NDUFS4: variants seen among roughly 807,000 people sequenced by gnomAD.
The protein encoded by NDUFS4 is NADH dehydrogenase [ubiquinone] iron-sulfur protein 4, mitochondrial.
Under a neutral mutation model 24.3 loss-of-function variants are expected in NDUFS4, and 28 were observed. The ratio of observed to expected loss-of-function variants is 1.15; its 90% CI spans 0.85 to 1.58. NDUFS4 has a LOEUF of 1.58. Ranked by LOEUF, NDUFS4 falls within the 40% of genes most tolerant of loss-of-function variation. The pLI is 0.00. For synonymous variants in NDUFS4, 93 were observed against 69.7 expected, an observed-to-expected ratio of 1.34 and a Z score of -1.67; for missense variants, 223 against 207.9, an observed-to-expected ratio of 1.07 and a Z score of -0.45.
In NDUFS4 at chr5:53,593,862, C is replaced by T. The variant is rs568608737; in HGVS notation, c.99-9590C>T. On this transcript the variant is annotated intron_variant, in intron 1 of 4. Coordinates refer to ENST00000296684, the MANE Select transcript of NDUFS4 (RefSeq NM_002495.4). ...AAGTAATTGGAGATTTTCTAGTTTT[C>T]TGTTACTGATTTCTAGTTTAATTCC... Among the ~76,000 whole-genome samples, 29 of 152,074 alleles carry T rather than the reference C, an allele frequency of 1.9e-4. No individual in the cohort carries two copies. In the South Asian group the frequency reaches 6.0e-3, roughly 32 times the overall value.
chr5:53,615,075 A>G (rs746352603), intron 2 of NDUFS4, among the ~76,000 whole-genome samples: 1 of 151,914 alleles, frequency 6.6e-6, no homozygotes, highest in African/African-American at 2.4e-5. Context: ...GGGTATGCAG[A>G]TAGATCCCTG....
intron 3 of NDUFS4, among the ~76,000 whole-genome samples, chr5:53,657,955 C>G (rs796630572): frequency 1.3e-5 from 2 of 150,752 alleles, no homozygotes; most frequent in South Asian, 4.2e-4. Context: ...ATAAAAGTGA[C>G]ATTTCTTGAA....
chr5:53,584,758 A>G (rs1749686933), intron 1 of NDUFS4, among the ~76,000 whole-genome samples: 1 of 140,994 alleles, frequency 7.1e-6, no homozygotes, highest in East Asian at 2.0e-4. Flanking sequence ...CAGCATAACT[A>G]AAAATGTTTT....
intron 2 of NDUFS4, among the ~76,000 whole-genome samples, chr5:53,640,968 C>G (rs902078185): frequency 2.0e-5 from 3 of 152,066 alleles, no homozygotes; most frequent in African/African-American, 7.2e-5. Context: ...ACAAACTTCC[C>G]TGAGAGCTGG....
intron 2 of NDUFS4, among the ~76,000 whole-genome samples, chr5:53,644,543 A>T (rs1373089348): frequency 6.6e-6 from 1 of 152,134 alleles, no homozygotes; most frequent in Non-Finnish European, 1.5e-5. Flanking sequence ...TAAGCTCTTA[A>T]ATAGAGAATA....
intron 2 of NDUFS4, among the ~76,000 whole-genome samples, chr5:53,644,005 T>C (rs1489221497): frequency 1.3e-5 from 2 of 152,196 alleles, no homozygotes; most frequent in Non-Finnish European, 2.9e-5. Flanking sequence ...CAACATTGTG[T>C]AGACACTTTT....
At chr5:53,642,228 T>G (rs1751727303) in intron 2 of NDUFS4, among the ~76,000 whole-genome samples, 1 of 152,156 alleles carries the variant, frequency 6.6e-6, no homozygotes, top group Non-Finnish European at 1.5e-5. Flanking sequence ...ATTATTCAGT[T>G]TTTATTTAAG....
chr5:53,631,319 G>A (rs499760), intron 2 of NDUFS4, among the ~76,000 whole-genome samples: 31,056 of 152,130 alleles, frequency 0.2, 3,703 homozygotes, highest in East Asian at 0.47. Flanking sequence ...GGTGTCTGTC[G>A]GCCCCTACTG....
At chr5:53,601,529 T>G (rs530446594) in intron 1 of NDUFS4, among the ~76,000 whole-genome samples, 6 of 152,196 alleles carry the variant, frequency 3.9e-5, no homozygotes, top group Non-Finnish European at 5.9e-5. Flanking sequence ...ACAAAATGGG[T>G]ACAGAGTTTT....
intron 2 of NDUFS4, among the ~76,000 whole-genome samples, chr5:53,622,270 G>A (rs1208771650): frequency 6.6e-6 from 1 of 152,064 alleles, no homozygotes; most frequent in Non-Finnish European, 1.5e-5. Context: ...GACAGACCTT[G>A]TCTTAGCTCA....
intron 1 of NDUFS4, among the ~76,000 whole-genome samples, chr5:53,572,457 T>A (rs2112415928): frequency 6.6e-6 from 1 of 152,308 alleles, no homozygotes; most frequent in Middle Eastern, 3.4e-3. Context: ...AGATGTGTAA[T>A]TTTCAAATAT....
intron 2 of NDUFS4, among the ~76,000 whole-genome samples, chr5:53,615,727 A>G (rs548402587): frequency 1.3e-5 from 2 of 152,172 alleles, no homozygotes; most frequent in Admixed American, 6.5e-5. Context: ...AGCATATTTC[A>G]TGTTAGTTGA....
At chr5:53,560,844 G>A in intron 1 of NDUFS4, 84 bp downstream of exon 1, 1 of 1,601,620 alleles carries the variant, frequency 6.2e-7, no homozygotes, top group Non-Finnish European at 8.5e-7. Context: ...TCCGGAGGAG[G>A]CCTCGGGGAA....
At chr5:53,634,812 C>CT (rs141527493) in intron 2 of NDUFS4, among the ~76,000 whole-genome samples, 106 of 147,016 alleles carry the variant, frequency 7.2e-4, no homozygotes, top group African/African-American at 1.9e-3. Flanking sequence ...TAGGGCCAGA[C>CT]TTTTTTTTTT....
At chr5:53,664,057 G>T (rs528780830) in intron 4 of NDUFS4, among the ~76,000 whole-genome samples, 7 of 152,226 alleles carry the variant, frequency 4.6e-5, no homozygotes, top group African/African-American at 1.7e-4. Context: ...GCATTTGCTT[G>T]TCTGTAAAGG....
At chr5:53,589,350 C>A (rs1363314463) in intron 1 of NDUFS4, among the ~76,000 whole-genome samples, 1 of 152,166 alleles carries the variant, frequency 6.6e-6, no homozygotes, top group African/African-American at 2.4e-5. Context: ...AGATTTATTT[C>A]TTGTTCATGT....
In NDUFS4 at chr5:53,560,683, A is replaced by T. The variant is rs1748803454; in HGVS notation, c.21A>T (p.Ser7=). 3 of 1,614,246 alleles carry T rather than the reference A, an allele frequency of 1.9e-6. No individual in the cohort carries two copies. Among genetic ancestry groups the T allele is most frequent in the African/African-American group, 2.7e-5 (2 of 75,060 alleles). Residue 7 remains serine (S), a synonymous_variant, in exon 1 of 5, where the codon TCA becomes TCT. Coordinates refer to ENST00000296684, the MANE Select transcript of NDUFS4 (RefSeq NM_002495.4). ...GCAAGATGGCGGCGGTGTCAATGTC[A>T]GTGGTACTGAGGCAGACGTTGTGGC... MAAVSM[S]VVLRQTLWRR...
intron 2 of NDUFS4, among the ~76,000 whole-genome samples, chr5:53,632,434 A>T (rs1751436136): frequency 6.6e-6 from 1 of 152,176 alleles, no homozygotes; most frequent in Non-Finnish European, 1.5e-5. Flanking sequence ...ACTTGTTAGA[A>T]CTTCTCATTA....
At chr5:53,577,668 A>C (rs1193294771) in intron 1 of NDUFS4, among the ~76,000 whole-genome samples, 5 of 152,144 alleles carry the variant, frequency 3.3e-5, no homozygotes, top group African/African-American at 1.2e-4. Flanking sequence ...ATTCACCCGT[A>C]TTGGAATTTG....
Sources: allele counts gnomAD v4.1 joint callset (sites outside exome capture counted in the v4.1 genomes callset), GRCh38; gene constraint gnomAD v4.1.1; transcripts MANE v1.5; gene names NCBI Gene and HGNC (gene_info 2026-07-23, HGNC 2026-07-21).